The following CNTNAP2 variants were observed in gnomAD, a reference collection of about 807,000 sequenced individuals.
CNTNAP2 encodes contactin associated protein 2, also known as contactin-associated protein-like 2.
In CNTNAP2, 98 loss-of-function variants were observed where a neutral mutation model predicts 155.2. That is an observed-to-expected ratio of 0.63 (90% confidence interval 0.54 to 0.75). The LOEUF is 0.75. Among genes scored for constraint, CNTNAP2 ranks in the 30% least tolerant of loss-of-function variants. The probability of loss-of-function intolerance (pLI) is 0.00; values close to 1 mark genes in which losing one functional copy is unlikely to be tolerated. For synonymous variants in CNTNAP2, 651 were observed against 631.2 expected, an observed-to-expected ratio of 1.03 and a Z score of -0.47; for missense variants, 1,727 against 1,688.1, an observed-to-expected ratio of 1.02 and a Z score of -0.40.
chr7:148,003,127 A>G (rs758116944), intron 15 of CNTNAP2, among the ~76,000 whole-genome samples: 2 of 152,116 alleles, frequency 1.3e-5, no homozygotes, highest in Non-Finnish European at 2.9e-5. Flanking sequence ...AGTAGCTCCT[A>G]GGAAGAGTTC....
chr7:147,909,024 G>C (rs1177131816), intron 14 of CNTNAP2, among the ~76,000 whole-genome samples: 1 of 152,114 alleles, frequency 6.6e-6, no homozygotes, highest in African/African-American at 2.4e-5. Flanking sequence ...ATTACAGTGT[G>C]ATATATTATT....
chr7:148,166,008 G>T (rs1805650573), intron 17 of CNTNAP2, among the ~76,000 whole-genome samples: 1 of 151,764 alleles, frequency 6.6e-6, no homozygotes, highest in Non-Finnish European at 1.5e-5. Flanking sequence ...TTTTCCTGAA[G>T]CCCTCTCTCC....
At chr7:146,354,333 T>G (rs1216569630) in intron 1 of CNTNAP2, among the ~76,000 whole-genome samples, 1 of 152,138 alleles carries the variant, frequency 6.6e-6, no homozygotes, top group Non-Finnish European at 1.5e-5. Flanking sequence ...TGAGACATTA[T>G]AGTTATTTCT....
intron 1 of CNTNAP2, among the ~76,000 whole-genome samples, chr7:146,712,307 T>A (rs1242695583): frequency 8.0e-6 from 1 of 125,032 alleles, no homozygotes; most frequent in African/African-American, 3.5e-5. Context: ...ATGTATACTA[T>A]ATAGTATACA....
intron 10 of CNTNAP2, among the ~76,000 whole-genome samples, chr7:147,417,645 T>C (rs1448972124): frequency 1.3e-5 from 2 of 152,218 alleles, no homozygotes; most frequent in Non-Finnish European, 2.9e-5. Context: ...TCATTTTTAT[T>C]CTTTCCTTTA....
chr7:147,899,436 G>A (rs1358809542), intron 13 of CNTNAP2, among the ~76,000 whole-genome samples: 2 of 152,120 alleles, frequency 1.3e-5, no homozygotes, highest in Non-Finnish European at 2.9e-5. Flanking sequence ...TAATCAGTGG[G>A]CATAAAAGCT....
At position 146,460,155 on chromosome 7, in the gene CNTNAP2, T is replaced by C. The variant is rs554990016; in HGVS notation, c.98-314116T>C. 9.3e-4 allele frequency among the ~76,000 whole-genome samples: 141 copies of C among 152,336 alleles called. 1 individual carries two copies. Among genetic ancestry groups the C allele is most frequent in the Non-Finnish European group, 1.7e-3 (113 of 68,030 alleles). ...TTGACAACACCTGTGATAGGTTATA[T>C]ATAAATTAATATACAAATTTTGAAA... is the stretch of plus-strand genomic sequence containing the variant. On this transcript the variant is annotated intron_variant, in intron 1 of 23. Coordinates refer to ENST00000361727, the MANE Select transcript of CNTNAP2 (RefSeq NM_014141.6).
intron 10 of CNTNAP2, among the ~76,000 whole-genome samples, chr7:147,429,667 A>G (rs1169360499): frequency 6.6e-6 from 1 of 151,764 alleles, no homozygotes; most frequent in Non-Finnish European, 1.5e-5. Context: ...GTTTTTTCTG[A>G]TGTTATCTTC....
intron 16 of CNTNAP2, among the ~76,000 whole-genome samples, chr7:148,140,912 T>C (rs528510691): frequency 6.6e-6 from 1 of 152,374 alleles, no homozygotes; most frequent in African/African-American, 2.4e-5. Context: ...CTAAATTCTC[T>C]ATTACACAGT....
chr7:146,138,726 A>G (rs1797833847), intron 1 of CNTNAP2, among the ~76,000 whole-genome samples: 1 of 152,026 alleles, frequency 6.6e-6, no homozygotes, highest in South Asian at 2.1e-4. Flanking sequence ...ATCATGGGGA[A>G]ATCTGTTGCT....
At chr7:147,971,610 T>C (rs1302473343) in intron 14 of CNTNAP2, among the ~76,000 whole-genome samples, 1 of 152,204 alleles carries the variant, frequency 6.6e-6, no homozygotes, top group Middle Eastern at 3.2e-3. Context: ...TTGTTCATGT[T>C]GCAACATGTA....
intron 1 of CNTNAP2, among the ~76,000 whole-genome samples, chr7:146,621,327 TAGTG>T (rs1799313074): frequency 6.6e-6 from 1 of 152,230 alleles, no homozygotes; most frequent in Admixed American, 6.5e-5. Context: ...TTGTCATAAT[TAGTG>T]AGCCAATATG....
intron 1 of CNTNAP2, among the ~76,000 whole-genome samples, chr7:146,549,497 T>C (rs1228124605): frequency 6.6e-6 from 1 of 152,088 alleles, no homozygotes; most frequent in Non-Finnish European, 1.5e-5. Context: ...AGTCATTATT[T>C]TGATTAATAG....
chr7:146,125,703 A>C (rs1361438283), intron 1 of CNTNAP2, among the ~76,000 whole-genome samples: 3 of 152,248 alleles, frequency 2.0e-5, no homozygotes, highest in Admixed American at 2.0e-4. Flanking sequence ...TACCATTAAG[A>C]ACATAAACAA....
chr7:146,972,203 CA>C (rs1382843975), intron 3 of CNTNAP2, among the ~76,000 whole-genome samples: 3 of 152,094 alleles, frequency 2.0e-5, no homozygotes, highest in African/African-American at 7.2e-5. Context: ...ATCAAGTCAA[CA>C]AATATGATTT....
intron 9 of CNTNAP2, among the ~76,000 whole-genome samples, chr7:147,382,164 GA>G (rs917913055): frequency 6.6e-6 from 1 of 151,704 alleles, no homozygotes. Context: ...TCATTAGAGG[GA>G]AAAAAAAGAT....
chr7:146,908,029 C>G (rs1007068377), intron 3 of CNTNAP2, among the ~76,000 whole-genome samples: 96 of 152,054 alleles, frequency 6.3e-4, no homozygotes, highest in Non-Finnish European at 9.4e-4. Context: ...GACTTTAAAC[C>G]AACAAAGATC....
intron 11 of CNTNAP2, among the ~76,000 whole-genome samples, chr7:147,555,532 A>T (rs1799936918): frequency 6.6e-6 from 1 of 152,236 alleles, no homozygotes; most frequent in African/African-American, 2.4e-5. Flanking sequence ...AGCATTTCTT[A>T]TCAAAATTAG....
chr7:147,721,031 C>T (rs761368139), intron 13 of CNTNAP2, among the ~76,000 whole-genome samples: 3 of 152,028 alleles, frequency 2.0e-5, no homozygotes, highest in African/African-American at 4.8e-5. Flanking sequence ...AGTATTTATG[C>T]AGTGCCTTGT....
Sources: allele counts gnomAD v4.1 joint callset (sites outside exome capture counted in the v4.1 genomes callset), GRCh38; gene constraint gnomAD v4.1.1; transcripts MANE v1.5; gene names NCBI Gene and HGNC (gene_info 2026-07-23, HGNC 2026-07-21).